CSMD1: variants seen among roughly 807,000 people sequenced by gnomAD.
CSMD1 encodes CUB and Sushi multiple domains 1, also known as CUB and sushi domain-containing protein 1.
Under a neutral mutation model 417.5 loss-of-function variants are expected in CSMD1, and 213 were observed. The ratio of observed to expected loss-of-function variants is 0.51; its 90% CI spans 0.46 to 0.57. CSMD1 has a LOEUF of 0.57. Ranked by LOEUF, CSMD1 falls within the 20% of genes least tolerant of loss-of-function variation. The probability of loss-of-function intolerance (pLI) is 0.00; values close to 1 mark genes in which losing one functional copy is unlikely to be tolerated. For missense variants in CSMD1, 6,923 were observed against 4,529.7 expected (o/e 1.53, Z -15.17); for synonymous variants, 2,862 against 1,736.8 (o/e 1.65, Z -16.11).
At chr8:4,578,074 G>C (rs546893338) in intron 2 of CSMD1, among the ~76,000 whole-genome samples, 1 of 152,264 alleles carries the variant, frequency 6.6e-6, no homozygotes, top group African/African-American at 2.4e-5. Flanking sequence ...GACTGTGCAA[G>C]TGCACCCGAG....
chr8:4,852,056 G>A (rs949496838), intron 1 of CSMD1, among the ~76,000 whole-genome samples: 8 of 152,130 alleles, frequency 5.3e-5, no homozygotes, highest in Non-Finnish European at 1.0e-4. Context: ...GGCTTAATGT[G>A]TATACTTCCT....
chr8:4,753,781 C>T (rs1811494522), intron 1 of CSMD1, among the ~76,000 whole-genome samples: 1 of 152,190 alleles, frequency 6.6e-6, no homozygotes, highest in South Asian at 2.1e-4. Context: ...CCTTTCCTCC[C>T]CACCACTGCC....
At chr8:4,892,459 G>A (rs6986607) in intron 1 of CSMD1, among the ~76,000 whole-genome samples, 120,479 of 152,038 alleles carry the variant, frequency 0.79, 48,491 homozygotes, top group East Asian at 0.96. Flanking sequence ...ATAGGTTCAT[G>A]TCTTTTAATC....
rs765656476 is a variant in CSMD1, at chr8:3,387,697, C to G, written c.2594-15G>C. 6.3e-7 allele frequency: 1 copy of G among 1,575,260 alleles called. No individual in the cohort carries two copies. Among genetic ancestry groups the G allele is most frequent in the Non-Finnish European group, 8.6e-7 (1 of 1,159,086 alleles). ...AAGCGTCACACCTGGATGCACAGAA[C>G]GAATGCAGTCGATGAGGATCTTTCT... On this transcript the variant is annotated splice_polypyrimidine_tract_variant and intron_variant, in intron 17 of 69. Coordinates refer to ENST00000635120, the MANE Select transcript of CSMD1 (RefSeq NM_033225.6).
In CSMD1 at chr8:4,075,855, G is replaced by T. The variant is rs147066879; in HGVS notation, c.416-43756C>A. On this transcript the variant is annotated intron_variant, in intron 3 of 69. Coordinates refer to ENST00000635120, the MANE Select transcript of CSMD1 (RefSeq NM_033225.6). Reference sequence around the variant, plus strand: ...AAGGAAGCAGGCTATTGTCCTCAGGGAGCCAGTTCATATCTGTTCTAGCCC... The same window carrying T: ...AAGGAAGCAGGCTATTGTCCTCAGGTAGCCAGTTCATATCTGTTCTAGCCC... Among the ~76,000 whole-genome samples the T allele has an allele frequency of 3.9e-3, 590 of 152,200 alleles. 15 individuals carry two copies. In the East Asian group the frequency reaches 0.059, roughly 15 times the overall value.
chr8:3,954,592 G>A (rs1811811477), intron 5 of CSMD1, among the ~76,000 whole-genome samples: 5 of 152,228 alleles, frequency 3.3e-5, no homozygotes. Context: ...TGGAACGCCT[G>A]ACCTCGTGAT....
At chr8:4,182,204 T>C (rs1389119549) in intron 3 of CSMD1, among the ~76,000 whole-genome samples, 3 of 152,186 alleles carry the variant, frequency 2.0e-5, no homozygotes, top group Non-Finnish European at 2.9e-5. Context: ...CTGTGTTTCA[T>C]TCTCAGTTTA....
At position 4,880,413 on chromosome 8, in the gene CSMD1, G is replaced by C. The variant is rs550556636; in HGVS notation, c.85+113919C>G. ...CCAAAAGAGAAGGCATCAGAGTATC[G>C]TAGGACTCCTTACAGATGTATGATG... On this transcript the variant is annotated intron_variant, in intron 1 of 69. Coordinates refer to ENST00000635120, the MANE Select transcript of CSMD1 (RefSeq NM_033225.6). Among the ~76,000 whole-genome samples the C allele has an allele frequency of 2.6e-5, 4 of 152,130 alleles. No homozygotes were observed. The East Asian group carries it at 7.7e-4, about 29-fold the overall frequency.
intron 3 of CSMD1, among the ~76,000 whole-genome samples, chr8:4,120,394 C>T (rs1054098769): frequency 3.3e-5 from 5 of 152,088 alleles, no homozygotes; most frequent in African/African-American, 4.8e-5. Flanking sequence ...ACATGCTGAC[C>T]GTATGCCCAT....
chr8:4,202,329 T>C (rs528816957), intron 3 of CSMD1, among the ~76,000 whole-genome samples: 1 of 152,332 alleles, frequency 6.6e-6, no homozygotes, highest in Non-Finnish European at 1.5e-5. Context: ...AAGAGCTCAC[T>C]TACAATATGG....
chr8:4,227,763 A>T (rs1230905701), intron 3 of CSMD1, among the ~76,000 whole-genome samples: 1 of 151,154 alleles, frequency 6.6e-6, no homozygotes, highest in Non-Finnish European at 1.5e-5. Flanking sequence ...TCCATCCTGC[A>T]TTCAATCCCA....
rs778777149 is a variant in CSMD1 at position 4,741,994 on chromosome 8, C to T, written c.86-104436G>A. 7.0e-4 allele frequency among the ~76,000 whole-genome samples: 91 copies of T among 130,764 alleles called. 2 individuals carry two copies. Among genetic ancestry groups the T allele is most frequent in the African/African-American group, 2.6e-3 (90 of 34,342 alleles). The allele number at this position is 130,764 out of a possible 152,430, so 85.8% of individuals were successfully genotyped here. A position where few individuals can be genotyped will look rare whatever the true frequency, so the allele number is the denominator to read the frequency against. On this transcript the variant is annotated intron_variant, in intron 1 of 69. Coordinates refer to ENST00000635120, the MANE Select transcript of CSMD1 (RefSeq NM_033225.6). ...GACTATAGGTCCGCACGCACCACCACACCCACTTTTTTTTTTTTTTTTTTT... is the reference window on the plus strand; with the variant it reads ...GACTATAGGTCCGCACGCACCACCATACCCACTTTTTTTTTTTTTTTTTTT...
chr8:4,670,669 A>C (rs1217799022), intron 1 of CSMD1, among the ~76,000 whole-genome samples: 2 of 152,208 alleles, frequency 1.3e-5, no homozygotes, highest in Admixed American at 6.5e-5. Flanking sequence ...GTTCATCCAA[A>C]TATTACTATG....
intron 3 of CSMD1, among the ~76,000 whole-genome samples, chr8:4,379,268 G>T (rs146462404): frequency 6.6e-6 from 1 of 152,094 alleles, no homozygotes; most frequent in Non-Finnish European, 1.5e-5. Flanking sequence ...TTAAAAAATA[G>T]GTGACCAGAA....
At chr8:4,526,367 C>T (rs1486201007) in intron 2 of CSMD1, among the ~76,000 whole-genome samples, 3 of 152,216 alleles carry the variant, frequency 2.0e-5, no homozygotes, top group South Asian at 2.1e-4. Flanking sequence ...CCATGAAGAT[C>T]GTGGTCTCCT....
rs546104049 is a variant in CSMD1, at chr8:4,137,326, T to G, written c.416-105227A>C. Among the ~76,000 whole-genome samples the G allele has an allele frequency of 2.1e-4, 32 of 152,346 alleles. 1 individual carries two copies. The highest frequency in any genetic ancestry group is 7.5e-4 in the African/African-American group (31 of 41,586). ...CGTGTCAGTGGCACTCAGGCTAACC[T>G]TGCAGGCTAACTCAGACATGTTGAA... On this transcript the variant is annotated intron_variant, in intron 3 of 69. Coordinates refer to ENST00000635120, the MANE Select transcript of CSMD1 (RefSeq NM_033225.6).
rs554328924 is a variant in CSMD1 at position 3,984,582 on chromosome 8, T to G, written c.818+13321A>C. Among the ~76,000 whole-genome samples the G allele has an allele frequency of 2.3e-3, 355 of 151,378 alleles. 1 individual carries two copies. Among genetic ancestry groups the G allele is most frequent in the African/African-American group, 8.0e-3 (332 of 41,310 alleles). On this transcript the variant is annotated intron_variant, in intron 5 of 69. Coordinates refer to ENST00000635120, the MANE Select transcript of CSMD1 (RefSeq NM_033225.6). Reference sequence around the variant, plus strand: ...AATATATATATAGCCAAGTACAATATTTGGATTCTTCAAGTAAGAAAAAAT... The same window carrying G: ...AATATATATATAGCCAAGTACAATAGTTGGATTCTTCAAGTAAGAAAAAAT...
At chr8:4,539,582 TATA>T (rs1387281715) in intron 2 of CSMD1, among the ~76,000 whole-genome samples, 2 of 152,202 alleles carry the variant, frequency 1.3e-5, no homozygotes, top group East Asian at 1.9e-4. Context: ...TACACTGGCT[TATA>T]ATGTTAAAAG....
chr8:3,399,456 A>G lies in CSMD1; in HGVS notation c.2340T>C (p.Asp780=), dbSNP rs1811906209. The G allele has an allele frequency of 1.9e-6, 3 of 1,610,648 alleles. No homozygotes were observed. The highest frequency in any genetic ancestry group is 1.7e-6 in the Non-Finnish European group (2 of 1,178,382). Residue 780 remains aspartate (D), a synonymous_variant, in exon 16 of 70, where the codon GAT becomes GAC. Coordinates refer to ENST00000635120, the MANE Select transcript of CSMD1 (RefSeq NM_033225.6). ...LPPGWPGYYK[D]SLHCEWIIEA... ...CAATTATCCATTCACAATGTAAAGAATCCTTATAATATCCTGGCCATCCAG... is the reference window on the plus strand; with the variant it reads ...CAATTATCCATTCACAATGTAAAGAGTCCTTATAATATCCTGGCCATCCAG...
Sources: allele counts gnomAD v4.1 joint callset (sites outside exome capture counted in the v4.1 genomes callset), GRCh38; gene constraint gnomAD v4.1.1; transcripts MANE v1.5; gene names NCBI Gene and HGNC (gene_info 2026-07-23, HGNC 2026-07-21).